Variants in UNC5D observed in about 807,000 individuals in gnomAD.
The protein encoded by UNC5D is unc-5 netrin receptor D.
Under a neutral mutation model 105.4 loss-of-function variants are expected in UNC5D, and 39 were observed. The observed-to-expected ratio is 0.37, with a 90% CI of 0.29 to 0.48. The LOEUF is 0.48. Ranked by LOEUF, UNC5D falls within the 20% of genes least tolerant of loss-of-function variation. UNC5D has a pLI of 0.98. For missense variants in UNC5D, 991 were observed against 1,202.4 expected (o/e 0.82, Z 2.60); for synonymous variants, 452 against 450.4 (o/e 1.00, Z -0.04).
chr8:35,687,873 G>A (rs1326270813), intron 7 of UNC5D, among the ~76,000 whole-genome samples: 1 of 152,096 alleles, frequency 6.6e-6, no homozygotes, highest in African/African-American at 2.4e-5. Context: ...ACTTAGATGA[G>A]TCAAGGTGTA....
At chr8:35,466,194 A>AAT (rs1809293479) in intron 1 of UNC5D, among the ~76,000 whole-genome samples, 1 of 152,154 alleles carries the variant, frequency 6.6e-6, no homozygotes, top group East Asian at 1.9e-4. Flanking sequence ...TGTTGGGAAT[A>AAT]ATCTTCCTCT....
rs1586637736 is a variant in UNC5D at position 35,782,167 on chromosome 8, A to C, written c.2657+7690A>C. Among the ~76,000 whole-genome samples, 3 of 152,336 alleles carry C rather than the reference A, an allele frequency of 2.0e-5. No homozygotes were observed. The East Asian group carries it at 5.8e-4, about 29-fold the overall frequency. On this transcript the variant is annotated intron_variant, in intron 16 of 16. Coordinates refer to ENST00000404895, the MANE Select transcript of UNC5D (RefSeq NM_080872.4). ...CTGTAGGCTGCTTTGCTGTTTGTTG[A>C]CTACCCAGTGAAATTCAAGTTTGGG...
At chr8:35,489,169 G>A (rs981200533) in intron 1 of UNC5D, among the ~76,000 whole-genome samples, 2 of 151,884 alleles carry the variant, frequency 1.3e-5, no homozygotes, top group Non-Finnish European at 2.9e-5. Context: ...GCCACATCCC[G>A]GCTAATTGTT....
chr8:35,701,724 T>C (rs1298868089), intron 7 of UNC5D, among the ~76,000 whole-genome samples: 1 of 151,964 alleles, frequency 6.6e-6, no homozygotes, highest in Non-Finnish European at 1.5e-5. Flanking sequence ...GAACAATACA[T>C]AAAAGACAAT....
At chr8:35,337,424 T>TA (rs1275678785) in intron 1 of UNC5D, among the ~76,000 whole-genome samples, 3 of 152,186 alleles carry the variant, frequency 2.0e-5, no homozygotes, top group African/African-American at 4.8e-5. Context: ...CATTCTGACA[T>TA]AAAAAAGTAA....
intron 4 of UNC5D, among the ~76,000 whole-genome samples, chr8:35,624,771 G>A (rs970796242): frequency 6.6e-6 from 1 of 152,048 alleles, no homozygotes; most frequent in Non-Finnish European, 1.5e-5. Context: ...ACTTAACCGG[G>A]GGCGTCTTAC....
chr8:35,649,937 G>A lies in UNC5D; in HGVS notation c.571-33610G>A, dbSNP rs138001123. 9.0e-3 allele frequency among the ~76,000 whole-genome samples: 1,371 copies of A among 152,206 alleles called. 13 individuals are homozygous for A. Among genetic ancestry groups the A allele is most frequent in the Non-Finnish European group, 0.012 (783 of 68,010 alleles). On this transcript the variant is annotated intron_variant, in intron 4 of 16. Transcript: ENST00000404895. ...ATCCTGGAACAGAAAAAAGACATTG[G>A]TGTTACAAATGGTGAAATATGAATG...
At chr8:35,661,110 T>TAA (rs768534730) in intron 4 of UNC5D, among the ~76,000 whole-genome samples, 139 of 143,042 alleles carry the variant, frequency 9.7e-4, no homozygotes, top group African/African-American at 3.2e-3. Context: ...TAAGAAAAAT[T>TAA]AAAAAAAAAA....
chr8:35,620,532 C>T (rs1051077192), intron 4 of UNC5D, among the ~76,000 whole-genome samples: 4 of 152,108 alleles, frequency 2.6e-5, no homozygotes, highest in African/African-American at 7.2e-5. Flanking sequence ...CCCACTGTTC[C>T]GATTACCCTT....
intron 1 of UNC5D, among the ~76,000 whole-genome samples, chr8:35,402,642 G>A (rs527293800): frequency 1.3e-4 from 20 of 152,138 alleles, no homozygotes; most frequent in African/African-American, 4.1e-4. Flanking sequence ...TCACCAACTC[G>A]GTGATCAGCT....
chr8:35,426,134 A>C (rs12156011), intron 1 of UNC5D, among the ~76,000 whole-genome samples: 7,969 of 152,236 alleles, frequency 0.052, 248 homozygotes, highest in African/African-American at 0.083. Context: ...ATACCGAGAC[A>C]TAAGAACTCT....
At chr8:35,345,089 A>G (rs1355685289) in intron 1 of UNC5D, among the ~76,000 whole-genome samples, 3 of 152,042 alleles carry the variant, frequency 2.0e-5, no homozygotes, top group Admixed American at 6.6e-5. Context: ...AGTTTGATCT[A>G]TATATTAACT....
intron 4 of UNC5D, among the ~76,000 whole-genome samples, chr8:35,636,828 A>G (rs1822405965): frequency 6.6e-6 from 1 of 152,208 alleles, no homozygotes; most frequent in Admixed American, 6.5e-5. Context: ...AAGTAACCCC[A>G]GTAACATTCA....
Position 35,791,680 on chromosome 8 carries a change from A to G in UNC5D, c.*1117A>G, listed in dbSNP as rs1803051258. 2 of 152,124 alleles carry G rather than the reference A, an allele frequency of 1.3e-5. No individual in the cohort carries two copies. Among genetic ancestry groups the G allele is most frequent in the Admixed American group, 1.3e-4 (2 of 15,264 alleles). The allele number at this position is 152,124 out of a possible 1,614,324, so 9.4% of individuals were successfully genotyped here. Reference sequence around the variant, plus strand: ...TAGCAGATAGTCTTTGCTCTAAATGATATCTGAGTAAATAGACTTGAGGAA... The same window carrying G: ...TAGCAGATAGTCTTTGCTCTAAATGGTATCTGAGTAAATAGACTTGAGGAA... On this transcript the variant is annotated 3_prime_UTR_variant, in exon 17 of 17. Coordinates refer to ENST00000404895, the MANE Select transcript of UNC5D (RefSeq NM_080872.4).
chr8:35,594,404 C>T (rs1819364408), intron 3 of UNC5D, among the ~76,000 whole-genome samples: 1 of 152,176 alleles, frequency 6.6e-6, no homozygotes, highest in African/African-American at 2.4e-5. Flanking sequence ...TTACAGAGAA[C>T]ATATTTCATG....
intron 7 of UNC5D, among the ~76,000 whole-genome samples, chr8:35,696,815 A>G (rs544185628): frequency 6.6e-6 from 1 of 152,244 alleles, no homozygotes; most frequent in Non-Finnish European, 1.5e-5. Flanking sequence ...CATTCTCCAG[A>G]GTGTCAGTAC....
At chr8:35,604,940 T>A (rs1820177558) in intron 4 of UNC5D, among the ~76,000 whole-genome samples, 1 of 152,184 alleles carries the variant, frequency 6.6e-6, no homozygotes, top group South Asian at 2.1e-4. Context: ...TAGTTTTCCA[T>A]TTGTCTAATT....
At chr8:35,393,000 T>C (rs1803869607) in intron 1 of UNC5D, among the ~76,000 whole-genome samples, 1 of 152,162 alleles carries the variant, frequency 6.6e-6, no homozygotes, top group African/African-American at 2.4e-5. Flanking sequence ...TAAAAAATCT[T>C]TTCTGGGGTG....
At chr8:35,591,539 TA>T (rs1321999064) in intron 3 of UNC5D, among the ~76,000 whole-genome samples, 3 of 152,144 alleles carry the variant, frequency 2.0e-5, no homozygotes, top group Non-Finnish European at 4.4e-5. Flanking sequence ...TTATTATTAT[TA>T]AATTGATTTT....
Sources: gnomAD v4.1 joint callset for allele counts (sites outside exome capture counted in the v4.1 genomes callset) on GRCh38, gnomAD v4.1.1 for gene constraint, MANE v1.5 for transcripts, NCBI Gene and HGNC (gene_info 2026-07-23, HGNC 2026-07-21) for gene names.